CKAP2: variants seen among roughly 807,000 people sequenced by gnomAD.
CKAP2 encodes cytoskeleton-associated protein 2.
CKAP2 carries 46 observed loss-of-function variants against 58.4 expected under a neutral mutation model. That is an observed-to-expected ratio of 0.79 (90% CI 0.62 to 1.01). The LOEUF (loss-of-function observed/expected upper bound fraction) is 1.01. Among genes scored for constraint, CKAP2 ranks in the 50% least tolerant of loss-of-function variants. The pLI is 0.00. For missense variants in CKAP2, 809 were observed against 796.4 expected (o/e 1.02, Z -0.19); for synonymous variants, 293 against 280.9 (o/e 1.04, Z -0.43).
intron 2 of CKAP2, among the ~76,000 whole-genome samples, chr13:52,457,999 C>T (rs1284803421): frequency 6.6e-6 from 1 of 152,162 alleles, no homozygotes; most frequent in East Asian, 1.9e-4. Context: ...ATTCTTTGAC[C>T]TGTTTATATT....
At position 52,474,917 on chromosome 13, in the gene CKAP2, G is replaced by A; in HGVS notation, c.1825G>A (p.Asp609Asn). 6.2e-7 allele frequency: 1 copy of A among 1,609,004 alleles called. No homozygotes were observed. The highest frequency in any genetic ancestry group is 8.5e-7 in the Non-Finnish European group (1 of 1,175,854). Reference sequence around the variant, plus strand: ...CAGTGTGAAAAAAAAGGTGCAGTTTGATGGAACAAATTCCGCATTTAAAGA... The same window carrying A: ...CAGTGTGAAAAAAAAGGTGCAGTTTAATGGAACAAATTCCGCATTTAAAGA... The part of the protein sequence containing the change: ...LQSVKKKVQF[D>N]GTNSAFKELK... The change falls in exon 9 of 9, where the codon GAT becomes AAT. Residue 609 changes from aspartate to asparagine, a missense_variant. Physicochemically the swap from Asp to Asn is conservative, Grantham distance 23 (BLOSUM62 1). This residue lies in a region of CKAP2 where 283 missense variants were observed against 287.6 expected (regional missense o/e 0.98). Transcript: ENST00000258607.
chr13:52,473,081 C>A (rs1158343761), intron 7 of CKAP2, among the ~76,000 whole-genome samples: 1 of 151,888 alleles, frequency 6.6e-6, no homozygotes, highest in Non-Finnish European at 1.5e-5. Flanking sequence ...AGAAATATTT[C>A]TCAGATTGGA....
chr13:52,474,638 A>G (rs1456142507), intron 8 of CKAP2, among the ~76,000 whole-genome samples: 1 of 152,252 alleles, frequency 6.6e-6, no homozygotes, highest in Non-Finnish European at 1.5e-5. Flanking sequence ...TGTGTTATTA[A>G]TAACAGTAGG....
At position 52,466,179 on chromosome 13, in the gene CKAP2, G is replaced by A. The variant is rs114607894; in HGVS notation, c.1476+714G>A. ...TACCATACTCCTTATCTCTTCTAGC[G>A]TATTGATACACAAAGTTTTGGGTAT... is the stretch of plus-strand genomic sequence containing the variant. On this transcript the variant is annotated intron_variant, in intron 6 of 8. Transcript: ENST00000258607. Among the ~76,000 whole-genome samples the A allele has an allele frequency of 7.4e-3, 1,132 of 151,996 alleles. 6 individuals carry two copies. Among genetic ancestry groups the A allele is most frequent in the African/African-American group, 0.017 (704 of 41,460 alleles).
chr13:52,468,230 A>G, intron 6 of CKAP2, 48 bp from the exon 7 acceptor site: 2 of 1,174,776 alleles, frequency 1.7e-6, no homozygotes, highest in Non-Finnish European at 2.5e-6. Context: ...TTAATGTCAG[A>G]GAAAATAAAA....
chr13:52,458,782 G>C (rs1390233925), intron 2 of CKAP2, among the ~76,000 whole-genome samples: 1 of 152,016 alleles, frequency 6.6e-6, no homozygotes, highest in Non-Finnish European at 1.5e-5. Flanking sequence ...GCTTGAACCT[G>C]GGAGGCGGAG....
Position 52,460,953 on chromosome 13 carries a change from G to A in CKAP2, c.210G>A (p.Val70=). 1 of 1,613,464 alleles carries A rather than the reference G, an allele frequency of 6.2e-7. No individual in the cohort carries two copies. The highest frequency in any genetic ancestry group is 8.5e-7 in the Non-Finnish European group (1 of 1,179,906). ...ACCAAGTTCAAGAAGGGACTAAAGT[G>A]CTGAAACTTAAAACAAAAATGGTAA... ...SEDQVQEGTK[V]LKLKTKMADK... The change falls in exon 3 of 9, where the codon GTG becomes GTA. Residue 70 remains valine, a synonymous_variant. Transcript: ENST00000258607.
intron 5 of CKAP2, among the ~76,000 whole-genome samples, 161 bp downstream of exon 5, chr13:52,462,728 C>T (rs183989100): frequency 1.5e-4 from 23 of 152,194 alleles, no homozygotes; most frequent in Admixed American, 1.2e-3. Context: ...TATTTAATTG[C>T]GAGATACACT....
In CKAP2 at chr13:52,475,218, C is replaced by G; in HGVS notation, c.*77C>G. The G allele has an allele frequency of 6.5e-7, 1 of 1,543,704 alleles. No homozygotes were observed. The highest frequency in any genetic ancestry group is 8.7e-7 in the Non-Finnish European group (1 of 1,144,806). ...TTGTTTTGAGTAGCTTTATATTGCT[C>G]TTAGGTCTGGAGTTGGCCATGTACC... On this transcript the variant is annotated 3_prime_UTR_variant, in exon 9 of 9. Coordinates refer to ENST00000258607, the MANE Select transcript of CKAP2 (RefSeq NM_018204.5).
At chr13:52,463,581 C>G (rs966468287) in intron 5 of CKAP2, among the ~76,000 whole-genome samples, 1 of 152,146 alleles carries the variant, frequency 6.6e-6, no homozygotes, top group African/African-American at 2.4e-5. Flanking sequence ...ATAGCAACAA[C>G]AAACAGCAGC....
rs2137854209 is a variant in CKAP2 at position 52,465,407 on chromosome 13, C to G, written c.1418C>G (p.Thr473Arg). 1.9e-6 allele frequency: 3 copies of G among 1,613,504 alleles called. No homozygotes were observed. In the South Asian group the frequency reaches 3.3e-5, roughly 18 times the overall value. ...TGTCTTGCACTTATTGAACCAATCA[C>G]AAGTCCTATTGAAAATATTATTGCA... is the stretch of plus-strand genomic sequence containing the variant. ...WICLALIEPI[T>R]SPIENIIAIY... The change falls in exon 6 of 9, where the codon ACA (threonine) becomes AGA (arginine). Residue 473 changes from threonine (T) to arginine (R), a missense_variant. Transcript: ENST00000258607.
At chr13:52,470,897 C>T (rs1471832718) in intron 7 of CKAP2, among the ~76,000 whole-genome samples, 5 of 152,304 alleles carry the variant, frequency 3.3e-5, no homozygotes, top group South Asian at 4.2e-4. Context: ...TGGTGGCTCA[C>T]GCCTGTAATC....
At chr13:52,466,491 T>A (rs1365764122) in intron 6 of CKAP2, among the ~76,000 whole-genome samples, 1 of 152,220 alleles carries the variant, frequency 6.6e-6, no homozygotes, top group African/African-American at 2.4e-5. Flanking sequence ...GTAATTATAT[T>A]TGACAGAATG....
intron 6 of CKAP2, among the ~76,000 whole-genome samples, chr13:52,466,689 A>G (rs1958682373): frequency 6.6e-6 from 1 of 152,202 alleles, no homozygotes; most frequent in South Asian, 2.1e-4. Context: ...ATTAGCCAAC[A>G]TGGCTGGGCA....
intron 6 of CKAP2, among the ~76,000 whole-genome samples, chr13:52,467,705 C>CA (rs961327270): frequency 1.4e-5 from 2 of 148,118 alleles, no homozygotes; most frequent in Non-Finnish European, 3.0e-5. Context: ...GAGACTGTCT[C>CA]AAAAAAAGAA....
At chr13:52,457,367 A>G (rs76280584) in intron 2 of CKAP2, among the ~76,000 whole-genome samples, 1,825 of 152,284 alleles carry the variant, frequency 0.012, 32 homozygotes, top group East Asian at 0.064. Flanking sequence ...TTCATCAGGG[A>G]AGGGTTGGGT....
chr13:52,470,198 T>G (rs1958742990), intron 7 of CKAP2, among the ~76,000 whole-genome samples: 2 of 151,306 alleles, frequency 1.3e-5, no homozygotes, highest in East Asian at 4.0e-4. Flanking sequence ...CTCCGCCTCC[T>G]GGGTTCAAGC....
At chr13:52,465,974 T>TA (rs2137856474) in intron 6 of CKAP2, 1 of 237,336 alleles carries the variant, frequency 4.2e-6, no homozygotes, top group Admixed American at 5.3e-5. Context: ...TATACACACA[T>TA]ATATGCACAC....
chr13:52,470,175 G>A (rs1461280085), intron 7 of CKAP2, among the ~76,000 whole-genome samples: 1 of 150,010 alleles, frequency 6.7e-6, no homozygotes, highest in Non-Finnish European at 1.5e-5. Context: ...GCGCAATCTC[G>A]GCTCACTGCA....
Sources: allele counts gnomAD v4.1 joint callset (sites outside exome capture counted in the v4.1 genomes callset), GRCh38; gene constraint gnomAD v4.1.1; regional missense constraint gnomAD v4.1.1; transcripts MANE v1.5; gene names NCBI Gene and HGNC (gene_info 2026-07-23, HGNC 2026-07-21).